FHIT: variants seen among roughly 807,000 people sequenced by gnomAD.
The protein encoded by FHIT is fragile histidine triad diadenosine triphosphatase.
A neutral mutation model predicts 17.9 loss-of-function variants in FHIT; 19 were observed. The ratio of observed to expected loss-of-function variants is 1.06; its 90% CI spans 0.74 to 1.56. The LOEUF (loss-of-function observed/expected upper bound fraction) is 1.56. Among genes scored for constraint, FHIT ranks in the 40% most tolerant of loss-of-function variants. The pLI is 0.00. For synonymous variants in FHIT, 81 were observed against 69.7 expected, an observed-to-expected ratio of 1.16 and a Z score of -0.81; for missense variants, 248 against 189.2, an observed-to-expected ratio of 1.31 and a Z score of -1.82.
chr3:59,752,321 G>A lies in FHIT; in HGVS notation c.349C>T (p.Leu117Phe). 6.2e-7 allele frequency: 1 copy of A among 1,608,552 alleles called. No individual in the cohort carries two copies. Among genetic ancestry groups the A allele is most frequent in the Non-Finnish European group, 8.5e-7 (1 of 1,178,052 alleles). The change falls in exon 9 of 10, where the codon CTC (leucine) becomes TTC (phenylalanine). Residue 117 changes from leucine to phenylalanine, a missense_variant and splice_region_variant. Transcript: ENST00000492590. The stretch of plus-strand genomic sequence containing the variant: ...AAGTCCTCCTTGTCATGTTTCTGGA[G>A]CTTTGGAGAAAAAAAAAGGAAGAGG... ...FHRNDSIYEE[L>F]QKHDKEDFPA...
chr3:60,805,660 A>T (rs1456081802), intron 4 of FHIT, among the ~76,000 whole-genome samples: 1 of 152,024 alleles, frequency 6.6e-6, no homozygotes, highest in Non-Finnish European at 1.5e-5. Context: ...GGTTCGTGCC[A>T]TTCTCCTGCC....
chr3:60,572,370 T>C (rs901517295), intron 4 of FHIT, among the ~76,000 whole-genome samples: 3 of 152,164 alleles, frequency 2.0e-5, no homozygotes, highest in Non-Finnish European at 4.4e-5. Context: ...GTAGGTTAGA[T>C]TCACTCTGTT....
intron 6 of FHIT, 77 bp downstream of exon 6, chr3:60,013,930 A>C (rs1700236382): frequency 2.2e-6 from 3 of 1,386,806 alleles, no homozygotes; most frequent in Non-Finnish European, 3.0e-6. Flanking sequence ...CCTCCTGGTA[A>C]GATATCAGGA....
intron 3 of FHIT, chr3:60,912,841 G>A (rs954754651): frequency 2.0e-6 from 1 of 500,114 alleles, no homozygotes; most frequent in Non-Finnish European, 4.0e-6. Flanking sequence ...GCTATATAAG[G>A]TCACATTTTA....
chr3:60,241,278 T>C (rs1335273794), intron 5 of FHIT, among the ~76,000 whole-genome samples: 1 of 152,012 alleles, frequency 6.6e-6, no homozygotes, highest in African/African-American at 2.4e-5. Context: ...ATAACAAGGA[T>C]CACAAATGAA....
At chr3:60,645,051 C>T (rs1043935290) in intron 4 of FHIT, among the ~76,000 whole-genome samples, 1 of 152,068 alleles carries the variant, frequency 6.6e-6, no homozygotes, top group African/African-American at 2.4e-5. Context: ...CTCACTAGAT[C>T]CCAGGTGGGT....
At chr3:60,003,524 C>A (rs1699807227) in intron 7 of FHIT, among the ~76,000 whole-genome samples, 1 of 152,102 alleles carries the variant, frequency 6.6e-6, no homozygotes, top group African/African-American at 2.4e-5. Flanking sequence ...GCAGGAGGAT[C>A]ACTTGATGTC....
Position 60,536,987 on chromosome 3 carries a change from A to T in FHIT, c.-17-8T>A, listed in dbSNP as rs775305142. ...TGTCCTCACAGTTGAAGTCTAAAAGAAAAGACAATGGATAGTTATAAAATT... is the reference window on the plus strand; with the variant it reads ...TGTCCTCACAGTTGAAGTCTAAAAGTAAAGACAATGGATAGTTATAAAATT... On this transcript the variant is annotated splice_region_variant and splice_polypyrimidine_tract_variant and intron_variant, in intron 4 of 9. Transcript: ENST00000492590. 30 of 1,593,232 alleles carry T rather than the reference A, an allele frequency of 1.9e-5. No homozygotes were observed. In the East Asian group the frequency reaches 6.5e-4, roughly 34 times the overall value.
At chr3:60,574,673 G>A (rs1449454332) in intron 4 of FHIT, among the ~76,000 whole-genome samples, 1 of 152,030 alleles carries the variant, frequency 6.6e-6, no homozygotes, top group African/African-American at 2.4e-5. Context: ...GTAACACTTT[G>A]AAACAAAGGG....
chr3:60,189,200 A>G (rs1275329946), intron 5 of FHIT, among the ~76,000 whole-genome samples: 5 of 151,358 alleles, frequency 3.3e-5, no homozygotes, highest in South Asian at 2.1e-4. Flanking sequence ...AATGAAAGGG[A>G]AAAAAAAATC....
chr3:60,732,738 G>A, intron 4 of FHIT: 1 of 296,192 alleles, frequency 3.4e-6, no homozygotes, highest in Non-Finnish European at 6.4e-6. Flanking sequence ...CCAGGCTGGA[G>A]TGCAGCGGCA....
chr3:60,507,044 T>C (rs528111741), intron 5 of FHIT, among the ~76,000 whole-genome samples: 1 of 152,022 alleles, frequency 6.6e-6, no homozygotes, highest in African/African-American at 2.4e-5. Flanking sequence ...AAAATGGAAA[T>C]TGCACCATCA....
chr3:60,112,867 G>A (rs1031181570), intron 5 of FHIT, among the ~76,000 whole-genome samples: 1 of 152,168 alleles, frequency 6.6e-6, no homozygotes, highest in Admixed American at 6.5e-5. Context: ...TCCTGGCTAT[G>A]GCATAGAAGG....
chr3:61,034,853 A>G (rs1449296334), intron 3 of FHIT, among the ~76,000 whole-genome samples: 1 of 152,186 alleles, frequency 6.6e-6, no homozygotes, highest in African/African-American at 2.4e-5. Context: ...GCAGCACTAT[A>G]CACAATAGCC....
chr3:61,074,413 C>A (rs538908090), intron 2 of FHIT, among the ~76,000 whole-genome samples: 2 of 152,254 alleles, frequency 1.3e-5, no homozygotes, highest in African/African-American at 4.8e-5. Flanking sequence ...CACTGGTGAC[C>A]CATGAGCCAA....
chr3:60,375,569 ACT>A lies in FHIT; in HGVS notation c.103+161289_103+161290del, dbSNP rs1231881674. 9.9e-5 allele frequency among the ~76,000 whole-genome samples: 15 copies of A among 152,102 alleles called. No individual in the cohort carries two copies. The East Asian group carries it at 2.7e-3, about 27-fold the overall frequency. Reference sequence around the variant, plus strand: ...CAGCCTGGGTGACACGGTGAGTGAGACTCTGTCTCAAAAAATATATATTGAAA... The same window carrying A: ...CAGCCTGGGTGACACGGTGAGTGAGACTGTCTCAAAAAATATATATTGAAA... On this transcript the variant is annotated intron_variant, in intron 5 of 9. Coordinates refer to ENST00000492590, the MANE Select transcript of FHIT (RefSeq NM_002012.4).
intron 5 of FHIT, among the ~76,000 whole-genome samples, chr3:60,218,681 A>G (rs1200164829): frequency 1.3e-5 from 2 of 152,268 alleles, no homozygotes; most frequent in East Asian, 1.9e-4. Flanking sequence ...AATTACAGTC[A>G]TGATGACTGT....
chr3:60,554,744 T>C (rs191399455), intron 4 of FHIT, among the ~76,000 whole-genome samples: 18 of 152,332 alleles, frequency 1.2e-4, no homozygotes, highest in Non-Finnish European at 7.3e-5. Context: ...AACATTTACA[T>C]TGAACAAATT....
intron 4 of FHIT, among the ~76,000 whole-genome samples, chr3:60,756,678 T>C (rs1465085362): frequency 6.6e-6 from 1 of 152,150 alleles, no homozygotes; most frequent in Non-Finnish European, 1.5e-5. Context: ...AAAGAGAAGA[T>C]CTATGTTATC....
Sources: gnomAD v4.1 joint callset for allele counts (sites outside exome capture counted in the v4.1 genomes callset) on GRCh38, gnomAD v4.1.1 for gene constraint, MANE v1.5 for transcripts, NCBI Gene and HGNC (gene_info 2026-07-23, HGNC 2026-07-21) for gene names.